Variants in TESK2 observed in about 807,000 individuals in gnomAD.
The protein encoded by TESK2 is dual specificity testis-specific protein kinase 2.
TESK2 carries 39 observed loss-of-function variants against 57.1 expected under a neutral mutation model. The ratio of observed to expected loss-of-function variants is 0.68; its 90% CI spans 0.53 to 0.89. The LOEUF (loss-of-function observed/expected upper bound fraction) is 0.89, where lower values mean the gene tolerates loss of function less well. TESK2 is among the 40% of genes least tolerant of loss of function. The pLI, the probability that TESK2 is intolerant of heterozygous loss-of-function variation, is 0.00. For synonymous variants in TESK2, 249 were observed against 267.9 expected (o/e 0.93, Z 0.69); for missense variants, 646 against 732.1 (o/e 0.88, Z 1.36).
At chr1:45,476,795 C>T (rs972376788) in intron 1 of TESK2, among the ~76,000 whole-genome samples, 3 of 151,256 alleles carry the variant, frequency 2.0e-5, no homozygotes, top group African/African-American at 4.9e-5. Flanking sequence ...TGCAGTGAGC[C>T]GAGATCACGC....
At chr1:45,477,050 G>A (rs1174469202) in intron 1 of TESK2, among the ~76,000 whole-genome samples, 1 of 27,664 alleles carries the variant, frequency 3.6e-5, no homozygotes. Flanking sequence ...GTGAAACCAC[G>A]TCTCTACCAA....
At chr1:45,476,420 A>G (rs61788287) in intron 1 of TESK2, among the ~76,000 whole-genome samples, 5,649 of 152,220 alleles carry the variant, frequency 0.037, 156 homozygotes, top group Middle Eastern at 0.088. Context: ...AGGCAGGAGA[A>G]TCGCTTGAGC....
At chr1:45,391,278 T>C (rs1010823991) in intron 3 of TESK2, among the ~76,000 whole-genome samples, 2 of 148,136 alleles carry the variant, frequency 1.4e-5, no homozygotes, top group Non-Finnish European at 1.5e-5. Flanking sequence ...AGTACAACAG[T>C]GTGATTATAG....
In TESK2 at chr1:45,414,105, G is replaced by A. The variant is rs560845252; in HGVS notation, c.344+7620C>T. ...AAATGTTTCCATTACATTAATACTC[G>A]TCTGGGTAACAAAAGCCAAAAGGAC... On this transcript the variant is annotated intron_variant, in intron 3 of 10. Transcript: ENST00000372086. Among the ~76,000 whole-genome samples the A allele has an allele frequency of 9.2e-5, 14 of 152,250 alleles. No homozygotes were observed. In the South Asian group the frequency reaches 1.7e-3, roughly 18 times the overall value.
At chr1:45,399,635 A>C in intron 3 of TESK2, among the ~76,000 whole-genome samples, 1 of 152,000 alleles carries the variant, frequency 6.6e-6, no homozygotes, top group African/African-American at 2.4e-5. Flanking sequence ...ATTTTTGTAG[A>C]GATGGGGTTT....
chr1:45,353,624 G>A (rs1369335002), intron 5 of TESK2, among the ~76,000 whole-genome samples: 1 of 152,196 alleles, frequency 6.6e-6, no homozygotes, highest in Admixed American at 6.5e-5. Flanking sequence ...TGAGGGTGGG[G>A]AATGAAGTGA....
intron 4 of TESK2, among the ~76,000 whole-genome samples, chr1:45,366,725 C>T (rs775952773): frequency 2.0e-5 from 3 of 152,048 alleles, no homozygotes; most frequent in Non-Finnish European, 4.4e-5. Flanking sequence ...TTTTAAGTTC[C>T]CTCTTTTATT....
intron 2 of TESK2, among the ~76,000 whole-genome samples, chr1:45,448,281 A>T (rs1651727103): frequency 6.6e-6 from 1 of 151,328 alleles, no homozygotes; most frequent in Non-Finnish European, 1.5e-5. Flanking sequence ...AAACAACCTG[A>T]TTAAAAAATT....
At chr1:45,384,281 C>A (rs1648770905) in intron 4 of TESK2, among the ~76,000 whole-genome samples, 1 of 152,158 alleles carries the variant, frequency 6.6e-6, no homozygotes, top group African/African-American at 2.4e-5. Flanking sequence ...CCCAGACTTT[C>A]ATTCATTCAT....
intron 4 of TESK2, among the ~76,000 whole-genome samples, chr1:45,357,591 AG>A (rs1200077890): frequency 6.6e-6 from 1 of 151,898 alleles, no homozygotes; most frequent in Admixed American, 6.6e-5. Context: ...AAAGTGAATA[AG>A]GCTGGGCACG....
Position 45,390,534 on chromosome 1 carries a change from C to T in TESK2, c.345-4574G>A, listed in dbSNP as rs557519613. ...AATCTAATTCACTTTTTATTTGTTA[C>T]CAAACTTTAAGAATAGGTTACATTC... On this transcript the variant is annotated intron_variant, in intron 3 of 10. Transcript: ENST00000372086. Among the ~76,000 whole-genome samples the T allele has an allele frequency of 4.0e-4, 60 of 151,320 alleles. 1 individual carries two copies. The South Asian group carries it at 0.012, about 30-fold the overall frequency.
At chr1:45,421,021 G>A (rs1650455515) in intron 3 of TESK2, among the ~76,000 whole-genome samples, 1 of 152,146 alleles carries the variant, frequency 6.6e-6, no homozygotes, top group African/African-American at 2.4e-5. Context: ...ACTTTGGGAG[G>A]CCAAGGAGGG....
At chr1:45,478,532 G>C (rs370502648) in intron 1 of TESK2, among the ~76,000 whole-genome samples, 1 of 152,030 alleles carries the variant, frequency 6.6e-6, no homozygotes, top group Non-Finnish European at 1.5e-5. Flanking sequence ...ATAGGACATC[G>C]AGATTCCACA....
In TESK2 at chr1:45,386,397, A is replaced by C. The variant is rs369392003; in HGVS notation, c.345-437T>G. The stretch of plus-strand genomic sequence containing the variant: ...GCATCTAAAAAAAAAAAAAGGAAAG[A>C]TAGATAGAAAAGAAAGGAAGGGAAA... On this transcript the variant is annotated intron_variant, in intron 3 of 10. Transcript: ENST00000372086. Among the ~76,000 whole-genome samples, 79 of 145,380 alleles carry C rather than the reference A, an allele frequency of 5.4e-4. No individual in the cohort carries two copies. The East Asian group carries it at 0.012, about 21-fold the overall frequency.
At chr1:45,423,004 G>C (rs1395923461) in intron 2 of TESK2, among the ~76,000 whole-genome samples, 2 of 151,860 alleles carry the variant, frequency 1.3e-5, no homozygotes, top group Non-Finnish European at 2.9e-5. Context: ...TCCTGACCTT[G>C]TGATCCACCA....
intron 1 of TESK2, among the ~76,000 whole-genome samples, chr1:45,461,597 C>T (rs1412791007): frequency 2.0e-5 from 3 of 151,916 alleles, no homozygotes; most frequent in Non-Finnish European, 4.4e-5. Flanking sequence ...GAAGGCTAGG[C>T]TGATTATAAT....
At chr1:45,346,948 A>C (rs1258409817) in intron 8 of TESK2, 31 bp downstream of exon 8, 1 of 1,607,672 alleles carries the variant, frequency 6.2e-7, no homozygotes, top group East Asian at 2.2e-5. Context: ...TAGCCCCATC[A>C]GTGGCAATGA....
At chr1:45,421,375 T>C (rs1650468131) in intron 3 of TESK2, among the ~76,000 whole-genome samples, 1 of 152,160 alleles carries the variant, frequency 6.6e-6, no homozygotes, top group Non-Finnish European at 1.5e-5. Flanking sequence ...TAATTACAAT[T>C]TCCCAAAAAG....
chr1:45,431,472 C>G (rs1017292175), intron 2 of TESK2, among the ~76,000 whole-genome samples: 1 of 151,906 alleles, frequency 6.6e-6, no homozygotes, highest in South Asian at 2.1e-4. Context: ...TCTGGGGATG[C>G]TATTGCTTTC....
Sources: gnomAD v4.1 joint callset for allele counts (sites outside exome capture counted in the v4.1 genomes callset) on GRCh38, gnomAD v4.1.1 for gene constraint, MANE v1.5 for transcripts, NCBI Gene and HGNC (gene_info 2026-07-23, HGNC 2026-07-21) for gene names.